Variants in DAZAP2 observed in about 807,000 individuals in gnomAD.
The protein encoded by DAZAP2 is DAZ associated protein 2, also known as DAZ-associated protein 2.
In DAZAP2, 3 loss-of-function variants were observed where a neutral mutation model predicts 16.2. The ratio of observed to expected loss-of-function variants is 0.19; its 90% CI spans 0.08 to 0.48. DAZAP2 has a LOEUF of 0.48. Among genes scored for constraint, DAZAP2 ranks in the 20% least tolerant of loss-of-function variants. The probability of loss-of-function intolerance (pLI) is 0.98; values close to 1 mark genes in which losing one functional copy is unlikely to be tolerated. For synonymous variants in DAZAP2, 69 were observed against 77.6 expected (o/e 0.89, Z 0.58); for missense variants, 172 against 215.9 (o/e 0.80, Z 1.27).
chr12:51,244,842 TGA>T (rs1944744447), downstream of DAZAP2: 6 of 151,578 alleles, frequency 4.0e-5, no homozygotes, highest in Admixed American at 1.3e-4. Flanking sequence ...TTTTTTTTTT[TGA>T]GACGGAGTCT....
chr12:51,241,755 T>C (rs764177693), intron 3 of DAZAP2, among the ~76,000 whole-genome samples: 2 of 151,950 alleles, frequency 1.3e-5, no homozygotes, highest in African/African-American at 4.8e-5. Flanking sequence ...ACCCCGACTC[T>C]ACTATAAATA....
At chr12:51,241,223 G>C (rs982271458) in intron 3 of DAZAP2, 107 bp downstream of exon 3, 63 of 1,504,738 alleles carry the variant, frequency 4.2e-5, no homozygotes, top group Non-Finnish European at 4.7e-5. Context: ...TGCCAGTGTT[G>C]GTACAACTAC....
At position 51,242,667 on chromosome 12, in the gene DAZAP2, G is replaced by C; in HGVS notation, c.*209G>C. ...TACCTCCCTAAAGCATTTTGAGGTAGGGGAGGTATCCATTCATAAAATGAA... is the reference window on the plus strand; with the variant it reads ...TACCTCCCTAAAGCATTTTGAGGTACGGGAGGTATCCATTCATAAAATGAA... On this transcript the variant is annotated 3_prime_UTR_variant, in exon 4 of 4. Coordinates refer to ENST00000412716, the MANE Select transcript of DAZAP2 (RefSeq NM_014764.4). 6.6e-7 allele frequency: 1 copy of C among 1,523,774 alleles called. No homozygotes were observed. The highest frequency in any genetic ancestry group is 8.8e-7 in the Non-Finnish European group (1 of 1,134,732). 94.4% of individuals were successfully genotyped at this position (1,523,774 alleles called of 1,614,324 possible). A position where few individuals can be genotyped will look rare whatever the true frequency, so the allele number is the denominator to read the frequency against.
Position 51,243,930 on chromosome 12 carries a change from C to CT in DAZAP2, c.*1473dup. 1.0e-6 allele frequency: 1 copy of CT among 984,196 alleles called. No homozygotes were observed. Among genetic ancestry groups the CT allele is most frequent in the Non-Finnish European group, 1.2e-6 (1 of 828,896 alleles). 61.0% of individuals were successfully genotyped at this position (984,196 alleles called of 1,614,324 possible). On this transcript the variant is annotated 3_prime_UTR_variant, in exon 4 of 4. Transcript: ENST00000412716. ...TTGAAATAAAGGCAGGAGTACAAGC[C>CT]TAAGACTTGATCATTTCATGAATTC...
At chr12:51,239,016 G>A (rs1944606935) in intron 1 of DAZAP2, 96 bp downstream of exon 1, 3 of 1,553,268 alleles carry the variant, frequency 1.9e-6, no homozygotes, top group Non-Finnish European at 2.6e-6. Flanking sequence ...CAGGTTTGGG[G>A]TGGGCTGCGC....
intron 1 of DAZAP2, chr12:51,239,550 G>A: frequency 6.6e-6 from 1 of 151,912 alleles, no homozygotes; most frequent in South Asian, 2.0e-4. Flanking sequence ...AGGTCGAGGC[G>A]GGCGGATCAC....
At chr12:51,239,179 G>A (rs1035150830) in intron 1 of DAZAP2, 9 of 511,102 alleles carry the variant, frequency 1.8e-5, no homozygotes, top group Non-Finnish European at 2.1e-5. Context: ...GGCTTGACAT[G>A]ATGGGCATCC....
At position 51,243,805 on chromosome 12, in the gene DAZAP2, T is replaced by C. The variant is rs1944725585; in HGVS notation, c.*1347T>C. On this transcript the variant is annotated 3_prime_UTR_variant, in exon 4 of 4. Transcript: ENST00000412716. ...ATTACACCTCACTGCAAGGATTCTT[T>C]ACTTAGCTTGTTTTTAGATTTCTTC... 1 of 985,294 alleles carries C rather than the reference T, an allele frequency of 1.0e-6. No homozygotes were observed. Among genetic ancestry groups the C allele is most frequent in the Non-Finnish European group, 1.2e-6 (1 of 829,608 alleles). The allele number at this position is 985,294 out of a possible 1,614,324, so 61.0% of individuals were successfully genotyped here. A position where few individuals can be genotyped will look rare whatever the true frequency, so the allele number is the denominator to read the frequency against.
downstream of DAZAP2, chr12:51,246,678 T>G: frequency 8.9e-7 from 1 of 1,129,786 alleles, no homozygotes; most frequent in South Asian, 1.7e-5. Flanking sequence ...ATTAATGGAT[T>G]TGGTCAGGCT....
At position 51,241,662 on chromosome 12, in the gene DAZAP2, T is replaced by G. The variant is rs115661799; in HGVS notation, c.378+546T>G. ...TAGCGAGCCTTCAGTTTTCCAGTAG[T>G]TCATTCAAAAACTGTGTAAGGGCGA... On this transcript the variant is annotated intron_variant, in intron 3 of 3. Coordinates refer to ENST00000412716, the MANE Select transcript of DAZAP2 (RefSeq NM_014764.4). Among the ~76,000 whole-genome samples the G allele has an allele frequency of 5.3e-3, 810 of 152,302 alleles. 6 individuals are homozygous for G. Among genetic ancestry groups the G allele is most frequent in the African/African-American group, 0.018 (748 of 41,558 alleles).
chr12:51,241,968 G>T (rs1944685848), intron 3 of DAZAP2, among the ~76,000 whole-genome samples: 1 of 151,808 alleles, frequency 6.6e-6, no homozygotes, highest in Admixed American at 6.6e-5. Flanking sequence ...ACTATGTAGG[G>T]ACCATGTGGG....
downstream of DAZAP2, chr12:51,246,343 T>C: frequency 1.7e-6 from 1 of 582,970 alleles, no homozygotes; most frequent in Non-Finnish European, 2.8e-6. Flanking sequence ...GCTTTTGATT[T>C]CTGACAAAAC....
downstream of DAZAP2, chr12:51,245,325 G>A (rs911066676): frequency 2.6e-5 from 4 of 152,696 alleles, no homozygotes; most frequent in East Asian, 5.8e-4. Context: ...TCAAAATGTA[G>A]TTACTTCTTG....
At chr12:51,240,583 C>T (rs1944657612) in intron 2 of DAZAP2, 122 bp downstream of exon 2, 16 of 1,044,482 alleles carry the variant, frequency 1.5e-5, no homozygotes, top group Non-Finnish European at 1.6e-5. Context: ...TAATCTAAAA[C>T]ACTATATAAT....
chr12:51,241,887 C>T (rs1944683722), intron 3 of DAZAP2, among the ~76,000 whole-genome samples: 1 of 151,448 alleles, frequency 6.6e-6, no homozygotes, highest in Admixed American at 6.6e-5. Context: ...CACCACTGCA[C>T]TCCAGCCTGG....
intron 3 of DAZAP2, 64 bp downstream of exon 3, chr12:51,241,180 A>T: frequency 5.7e-6 from 9 of 1,583,018 alleles, no homozygotes; most frequent in East Asian, 4.5e-5. Context: ...AAATGACTTC[A>T]TATTCATTCT....
chr12:51,245,928 G>A (rs1287734298), downstream of DAZAP2: 2 of 1,608,832 alleles, frequency 1.2e-6, no homozygotes, highest in East Asian at 2.2e-5. Context: ...AGCTCCTTGG[G>A]GCCTGGGAGT....
At chr12:51,241,154 G>C in intron 3 of DAZAP2, 38 bp downstream of exon 3, 1 of 1,600,666 alleles carries the variant, frequency 6.2e-7, no homozygotes, top group Non-Finnish European at 8.5e-7. Context: ...CAGCCCTTGT[G>C]TATTTTAACT....
downstream of DAZAP2, chr12:51,246,093 G>C (rs1399471968): frequency 9.3e-6 from 15 of 1,613,962 alleles, no homozygotes; most frequent in East Asian, 2.9e-4. Context: ...ACCGAGAGCA[G>C]GGTGAGGAAG....
Sources: allele counts gnomAD v4.1 joint callset (sites outside exome capture counted in the v4.1 genomes callset), GRCh38; gene constraint gnomAD v4.1.1; transcripts MANE v1.5; gene names NCBI Gene and HGNC (gene_info 2026-07-23, HGNC 2026-07-21).